The following XKR6 variants were observed in gnomAD, a reference collection of about 807,000 sequenced individuals.
XKR6 encodes XK related 6.
XKR6 carries 22 observed loss-of-function variants against 56.7 expected under a neutral mutation model. The observed-to-expected ratio is 0.39, with a 90% CI of 0.28 to 0.55. XKR6 has a LOEUF of 0.55. XKR6 is among the 20% of genes least tolerant of loss of function. XKR6 has a pLI of 0.66. For synonymous variants in XKR6, 524 were observed against 387.8 expected, an observed-to-expected ratio of 1.35 and a Z score of -4.13; for missense variants, 852 against 889.0, an observed-to-expected ratio of 0.96 and a Z score of 0.53.
At chr8:10,912,558 GTGT>G (rs1800426946) in intron 2 of XKR6, among the ~76,000 whole-genome samples, 1 of 144,238 alleles carries the variant, frequency 6.9e-6, no homozygotes, top group African/African-American at 2.7e-5. Context: ...GAGGGTGTGT[GTGT>G]ATGTATATAT....
intron 1 of XKR6, chr8:11,108,300 G>A: frequency 2.2e-6 from 1 of 456,218 alleles, no homozygotes; most frequent in Non-Finnish European, 4.4e-6. Flanking sequence ...AAAATCTGCT[G>A]CAGATTTAAG....
chr8:11,147,617 C>G (rs1488100456), intron 1 of XKR6, among the ~76,000 whole-genome samples: 1 of 148,290 alleles, frequency 6.7e-6, no homozygotes, highest in African/African-American at 2.5e-5. Flanking sequence ...GATCGTGCCA[C>G]TGCACTCCAG....
At chr8:10,922,659 T>A (rs569840861) in intron 2 of XKR6, among the ~76,000 whole-genome samples, 2 of 152,318 alleles carry the variant, frequency 1.3e-5, no homozygotes, top group South Asian at 4.2e-4. Flanking sequence ...GGGACTCCCA[T>A]GGCCGCAGCT....
intron 1 of XKR6, among the ~76,000 whole-genome samples, chr8:11,135,373 C>T (rs4840548): frequency 0.28 from 42,713 of 151,966 alleles, 7,086 homozygotes; most frequent in Middle Eastern, 0.39. Context: ...TGAGTTTCTG[C>T]CACCCTGTAA....
chr8:10,974,763 G>A (rs1393394207), intron 1 of XKR6, among the ~76,000 whole-genome samples: 1 of 152,152 alleles, frequency 6.6e-6, no homozygotes, highest in East Asian at 1.9e-4. Context: ...ATGCCAATGT[G>A]GCAAGTAGTG....
chr8:11,180,520 T>C (rs550051842), intron 1 of XKR6, among the ~76,000 whole-genome samples: 4 of 152,210 alleles, frequency 2.6e-5, no homozygotes, highest in Admixed American at 2.0e-4. Flanking sequence ...AGCAAAATCA[T>C]CCCTGGTGGA....
intron 1 of XKR6, among the ~76,000 whole-genome samples, chr8:11,076,976 G>C (rs1800290619): frequency 6.6e-6 from 1 of 152,152 alleles, no homozygotes; most frequent in South Asian, 2.1e-4. Flanking sequence ...AGGTGTTTGA[G>C]ACAAGCCTAG....
intron 1 of XKR6, among the ~76,000 whole-genome samples, chr8:11,005,031 C>T (rs146781661): frequency 2.0e-5 from 3 of 152,134 alleles, no homozygotes; most frequent in African/African-American, 7.2e-5. Context: ...GGTACAGTCC[C>T]TCTGCAACCT....
intron 1 of XKR6, among the ~76,000 whole-genome samples, chr8:11,163,386 C>T (rs1468542368): frequency 6.6e-6 from 1 of 150,386 alleles, no homozygotes; most frequent in Non-Finnish European, 1.5e-5. Flanking sequence ...ACTGGCACAT[C>T]AGAGACTTTA....
intron 1 of XKR6, among the ~76,000 whole-genome samples, chr8:11,132,149 C>T (rs1800134658): frequency 6.6e-6 from 1 of 151,958 alleles, no homozygotes; most frequent in South Asian, 2.1e-4. Flanking sequence ...CTAACAAGCT[C>T]CCAGGTATGC....
intron 1 of XKR6, chr8:11,035,345 C>A (rs1286719840): frequency 1.9e-6 from 1 of 534,246 alleles, no homozygotes; most frequent in Non-Finnish European, 3.8e-6. Context: ...ACTGGCCATG[C>A]AGGAGCCAGG....
chr8:10,987,722 T>A (rs1049558802), intron 1 of XKR6, among the ~76,000 whole-genome samples: 1 of 152,226 alleles, frequency 6.6e-6, no homozygotes, highest in Non-Finnish European at 1.5e-5. Context: ...ACCCCAAGCA[T>A]TTACTATGGC....
rs1343533371 is a variant in XKR6, at chr8:10,898,083, C to G, written c.1795G>C (p.Ala599Pro). The G allele has an allele frequency of 6.2e-7, 1 of 1,614,112 alleles. No homozygotes were observed. Among genetic ancestry groups the G allele is most frequent in the Non-Finnish European group, 8.5e-7 (1 of 1,179,992 alleles). Residue 599 changes from alanine to proline, a missense_variant, in exon 3 of 3, where the codon GCT becomes CCT. Ala to Pro is a conservative substitution (Grantham distance 27). This residue lies in a region of XKR6 where 39 missense variants were observed against 62.5 expected (regional missense o/e 0.62). Coordinates refer to ENST00000416569, the MANE Select transcript of XKR6 (RefSeq NM_173683.4). The surrounding 1 kb of genome is among the most constrained non-coding windows in gnomAD (Gnocchi z 6.6). ...CTCAGCCTCCTGTCTACAAAATGAG[C>G]ATCCCAAGCTGGGTATCGCTTTCTT... ...MPRKRYPAWD[A>P]HFVDRRLRRT...
At chr8:11,187,805 T>G (rs1803354563) in intron 1 of XKR6, among the ~76,000 whole-genome samples, 1 of 152,180 alleles carries the variant, frequency 6.6e-6, no homozygotes, top group Admixed American at 6.5e-5. Flanking sequence ...CTAGTGAAAC[T>G]GGCCTGCAGA....
intron 2 of XKR6, among the ~76,000 whole-genome samples, chr8:10,917,344 G>A (rs576311223): frequency 6.6e-6 from 1 of 152,372 alleles, no homozygotes; most frequent in South Asian, 2.1e-4. Flanking sequence ...CTGATGGGCA[G>A]CATCTCCCCC....
intron 1 of XKR6, among the ~76,000 whole-genome samples, chr8:10,962,051 T>G (rs1319755090): frequency 1.3e-5 from 2 of 152,256 alleles, no homozygotes; most frequent in Non-Finnish European, 2.9e-5. Flanking sequence ...CTGATCTTAC[T>G]GTGCATTATT....
intron 1 of XKR6, among the ~76,000 whole-genome samples, chr8:11,184,307 T>A (rs1484002238): frequency 2.0e-5 from 3 of 151,976 alleles, no homozygotes; most frequent in Non-Finnish European, 2.9e-5. Context: ...TCTCAACTGG[T>A]GGAGATACTA....
rs1170228232 is a variant in XKR6 at position 11,057,171 on chromosome 8, C to G, written c.765-132341G>C. ...CTCTTCATGGATCCTATTTGTCACC[C>G]AAACTAAAGAATAAGGAATAACATC... On this transcript the variant is annotated intron_variant, in intron 1 of 2. Transcript: ENST00000416569. 2.6e-5 allele frequency among the ~76,000 whole-genome samples: 4 copies of G among 152,186 alleles called. No homozygotes were observed. In the East Asian group the frequency reaches 5.8e-4, roughly 22 times the overall value.
At chr8:10,926,231 C>T (rs1800879474) in intron 1 of XKR6, among the ~76,000 whole-genome samples, 1 of 152,206 alleles carries the variant, frequency 6.6e-6, no homozygotes, top group Non-Finnish European at 1.5e-5. Context: ...TGGCTCCCAG[C>T]CACTGCCCCT....
Sources: gnomAD v4.1 joint callset for allele counts (sites outside exome capture counted in the v4.1 genomes callset) on GRCh38, gnomAD v4.1.1 for gene constraint, gnomAD v4.1.1 regional missense constraint, Gnocchi (gnomAD v3.1) non-coding constraint, MANE v1.5 for transcripts, NCBI Gene and HGNC (gene_info 2026-07-23, HGNC 2026-07-21) for gene names.